Variants in TSPAN11 observed in about 807,000 individuals in gnomAD.
TSPAN11 encodes the protein tetraspanin-11.
In TSPAN11, 29 loss-of-function variants were observed where a neutral mutation model predicts 32.9. That is an observed-to-expected ratio of 0.88 (90% confidence interval 0.66 to 1.20). The LOEUF is 1.20. TSPAN11 is among the 50% of genes most tolerant of loss of function. The probability of loss-of-function intolerance (pLI) is 0.00; values close to 1 mark genes in which losing one functional copy is unlikely to be tolerated. For missense variants in TSPAN11, 283 were observed against 329.1 expected (o/e 0.86, Z 1.08); for synonymous variants, 140 against 141.3 (o/e 0.99, Z 0.07).
chr12:30,945,742 ATCCGGCCCTGAAGAAAG>A (rs1460736204), intron 1 of TSPAN11, among the ~76,000 whole-genome samples: 1 of 151,764 alleles, frequency 6.6e-6, no homozygotes, highest in Non-Finnish European at 1.5e-5. Context: ...GACATTACAC[ATCCGGCCCTGAAGAAAG>A]TCGCCAAAAT....
chr12:31,009,033 G>A, the TSPAN11 span, among the ~76,000 whole-genome samples: 15 of 152,104 alleles, frequency 9.9e-5, no homozygotes, highest in South Asian at 2.1e-4. Context: ...TGTGTTAGAC[G>A]AGCTAAATCA....
chr12:30,946,798 G>A (rs1938277147), intron 1 of TSPAN11, among the ~76,000 whole-genome samples: 1 of 152,214 alleles, frequency 6.6e-6, no homozygotes, highest in Non-Finnish European at 1.5e-5. Flanking sequence ...GCTTCACGGA[G>A]GTGGGGGGTC....
intron 3 of TSPAN11, among the ~76,000 whole-genome samples, chr12:30,967,132 T>C (rs2140295516): frequency 6.6e-6 from 1 of 152,342 alleles, no homozygotes; most frequent in East Asian, 1.9e-4. Flanking sequence ...CTGACCACGC[T>C]GTGCTCTCCA....
At chr12:30,953,569 C>G (rs973194261) in intron 1 of TSPAN11, among the ~76,000 whole-genome samples, 4 of 152,134 alleles carry the variant, frequency 2.6e-5, no homozygotes, top group Admixed American at 2.6e-4. Context: ...GATGCAGAGT[C>G]CTGTTCAAAT....
In TSPAN11 at chr12:30,964,759, A is replaced by G. The variant is rs905324004; in HGVS notation, c.276+742A>G. Among the ~76,000 whole-genome samples the G allele has an allele frequency of 1.0e-3, 156 of 152,266 alleles. 1 individual carries two copies. The highest frequency in any genetic ancestry group is 8.8e-5 in the Non-Finnish European group (6 of 68,050). ...AAACAATTAACAGTCATTCCTTAAT[A>G]TCATGAAATAACCAAGCAGTTTCAC... On this transcript the variant is annotated intron_variant, in intron 3 of 7. Transcript: ENST00000546076.
chr12:31,010,659 G>A, the TSPAN11 span, among the ~76,000 whole-genome samples: 2 of 152,124 alleles, frequency 1.3e-5, no homozygotes, highest in Non-Finnish European at 2.9e-5. Context: ...TACTGGGTGT[G>A]GTGACACGTG....
At chr12:30,963,399 C>T (rs531441833) in intron 2 of TSPAN11, among the ~76,000 whole-genome samples, 49 of 152,314 alleles carry the variant, frequency 3.2e-4, no homozygotes, top group African/African-American at 1.2e-3. Context: ...CTCGAACGAG[C>T]CCCACCAGGG....
the TSPAN11 span, among the ~76,000 whole-genome samples, chr12:31,009,051 A>C: frequency 6.6e-6 from 1 of 151,702 alleles, no homozygotes; most frequent in African/African-American, 2.4e-5. Context: ...TCACTCAGAC[A>C]CTGCCTGCCC....
chr12:31,014,376 A>G, the TSPAN11 span, among the ~76,000 whole-genome samples: 3 of 152,216 alleles, frequency 2.0e-5, no homozygotes, highest in Non-Finnish European at 4.4e-5. Context: ...ACACCTTCTC[A>G]ATAACTCTTC....
At chr12:30,939,212 G>T (rs58808862) in intron 1 of TSPAN11, among the ~76,000 whole-genome samples, 2,568 of 148,452 alleles carry the variant, frequency 0.017, 68 homozygotes, top group African/African-American at 0.06. Context: ...CTGCACTCCA[G>T]CCTGGGCGAC....
At position 30,954,073 on chromosome 12, in the gene TSPAN11, T is replaced by A. The variant is rs763715533; in HGVS notation, c.82T>A (p.Trp28Arg). 6.2e-7 allele frequency: 1 copy of A among 1,611,788 alleles called. No homozygotes were observed. The highest frequency in any genetic ancestry group is 8.5e-7 in the Non-Finnish European group (1 of 1,178,188). The change falls in exon 2 of 8, where the codon TGG (tryptophan) becomes AGG (arginine). Residue 28 changes from tryptophan to arginine, a missense_variant and splice_region_variant. Physicochemically the swap from Trp to Arg is moderately radical, Grantham distance 101. Transcript: ENST00000546076. ...ACTCTTTGTCTTCAACTTCTTCTTC[T>A]GGGTGAGTGAATTCTGCACACACAT... ...YLLFVFNFFF[W>R]VGGAAVLAVG...
At chr12:30,988,856 T>C (rs1368385103) in intron 7 of TSPAN11, among the ~76,000 whole-genome samples, 1 of 152,230 alleles carries the variant, frequency 6.6e-6, no homozygotes, top group African/African-American at 2.4e-5. Flanking sequence ...ACAGGCCTGC[T>C]TCCTCTGCAC....
chr12:30,928,878 A>T (rs549802100), intron 1 of TSPAN11, among the ~76,000 whole-genome samples: 200 of 152,226 alleles, frequency 1.3e-3, no homozygotes, highest in African/African-American at 3.9e-3. Context: ...GCCACATCCT[A>T]CTACAATGTG....
intron 6 of TSPAN11, 29 bp from the exon 7 acceptor site, chr12:30,983,035 T>C: frequency 6.2e-7 from 1 of 1,605,628 alleles, no homozygotes; most frequent in Non-Finnish European, 8.5e-7. Context: ...TCCTGGGCCA[T>C]GGCCGCATCA....
intron 1 of TSPAN11, chr12:30,927,112 T>C: frequency 9.0e-7 from 1 of 1,106,146 alleles, no homozygotes; most frequent in East Asian, 7.4e-5. Context: ...TCTGAGGGCC[T>C]CGTGCCGTCC....
intron 2 of TSPAN11, 189 bp downstream of exon 2, chr12:30,954,264 G>C (rs1341345068): frequency 1.6e-6 from 1 of 614,334 alleles, no homozygotes; most frequent in Non-Finnish European, 2.9e-6. Flanking sequence ...AAAAGAATTG[G>C]GTCTGCAGGT....
the TSPAN11 span, among the ~76,000 whole-genome samples, chr12:31,011,074 T>C: frequency 6.6e-6 from 1 of 152,172 alleles, no homozygotes; most frequent in Non-Finnish European, 1.5e-5. Context: ...AGGAATAAAT[T>C]TGTTCTTGCT....
the TSPAN11 span, among the ~76,000 whole-genome samples, chr12:31,008,453 G>A: frequency 5.9e-5 from 9 of 152,166 alleles, no homozygotes; most frequent in Non-Finnish European, 1.2e-4. Flanking sequence ...GGCTAAATGC[G>A]CTAGGCTAAA....
chr12:30,992,006 T>A lies in TSPAN11; in HGVS notation c.*91T>A. 1 of 1,406,198 alleles carries A rather than the reference T, an allele frequency of 7.1e-7. No homozygotes were observed. Among genetic ancestry groups the A allele is most frequent in the Non-Finnish European group, 1.0e-6 (1 of 994,218 alleles). 87.1% of individuals were successfully genotyped at this position (1,406,198 alleles called of 1,614,324 possible). A position where few individuals can be genotyped will look rare whatever the true frequency, so the allele number is the denominator to read the frequency against. On this transcript the variant is annotated 3_prime_UTR_variant, in exon 8 of 8. Coordinates refer to ENST00000546076, the MANE Select transcript of TSPAN11 (RefSeq NM_001370302.1). ...CCTGCAGAGTTAGCACCAGCTCCAC[T>A]AGGGCCATAGATGCCCCCTCCTTTG...
Sources: gnomAD v4.1 joint callset for allele counts (sites outside exome capture counted in the v4.1 genomes callset) on GRCh38, gnomAD v4.1.1 for gene constraint, MANE v1.5 for transcripts, NCBI Gene and HGNC (gene_info 2026-07-23, HGNC 2026-07-21) for gene names.